Variants in NDUFS4 observed in about 807,000 individuals in gnomAD.
NDUFS4 encodes the protein NADH:ubiquinone oxidoreductase subunit S4, also known as NADH dehydrogenase [ubiquinone] iron-sulfur protein 4, mitochondrial.
NDUFS4 carries 28 observed loss-of-function variants against 24.3 expected under a neutral mutation model. The ratio of observed to expected loss-of-function variants is 1.15; its 90% confidence interval spans 0.85 to 1.58. The LOEUF (loss-of-function observed/expected upper bound fraction) is 1.58. Among genes scored for constraint, NDUFS4 ranks in the 40% most tolerant of loss-of-function variants. NDUFS4 has a pLI of 0.00. For synonymous variants in NDUFS4, 93 were observed against 69.7 expected, an observed-to-expected ratio of 1.34 and a Z score of -1.67; for missense variants, 223 against 207.9, an observed-to-expected ratio of 1.07 and a Z score of -0.45.
chr5:53,589,133 G>C (rs553704925), intron 1 of NDUFS4, among the ~76,000 whole-genome samples: 1 of 152,124 alleles, frequency 6.6e-6, no homozygotes, highest in Non-Finnish European at 1.5e-5. Flanking sequence ...CCAAAACGTA[G>C]GTTTTTAAGA....
At chr5:53,652,008 C>T (rs539739330) in intron 3 of NDUFS4, among the ~76,000 whole-genome samples, 3 of 152,140 alleles carry the variant, frequency 2.0e-5, no homozygotes, top group East Asian at 1.9e-4. Context: ...CTCTTGACCT[C>T]GTGATCCGCC....
intron 4 of NDUFS4, among the ~76,000 whole-genome samples, chr5:53,676,268 T>C (rs534850830): frequency 6.6e-6 from 1 of 152,190 alleles, no homozygotes; most frequent in Non-Finnish European, 1.5e-5. Context: ...TCAATTATAG[T>C]TGTTCTCCTT....
chr5:53,567,903 C>T (rs1281830056), intron 1 of NDUFS4, among the ~76,000 whole-genome samples: 2 of 152,086 alleles, frequency 1.3e-5, no homozygotes, highest in Non-Finnish European at 2.9e-5. Context: ...TATATGAGCT[C>T]TTGTGACTTT....
intron 4 of NDUFS4, among the ~76,000 whole-genome samples, chr5:53,664,606 C>T (rs752267942): frequency 8.5e-5 from 13 of 152,186 alleles, no homozygotes; most frequent in Non-Finnish European, 1.9e-4. Flanking sequence ...GATACCCTTT[C>T]TTCCAGTTGA....
chr5:53,562,029 A>G (rs1748865416), intron 1 of NDUFS4, among the ~76,000 whole-genome samples: 1 of 151,398 alleles, frequency 6.6e-6, no homozygotes, highest in South Asian at 2.1e-4. Flanking sequence ...TTTGAGATAC[A>G]TTCTCACTCT....
At position 53,634,881 on chromosome 5, in the gene NDUFS4, T is replaced by C. The variant is rs184153177; in HGVS notation, c.178-11352T>C. ...GGTATCCTAAGATAGGTACATGACTTGATGATTTAAAAATCTGAAAAATCT... is the reference window on the plus strand; with the variant it reads ...GGTATCCTAAGATAGGTACATGACTCGATGATTTAAAAATCTGAAAAATCT... On this transcript the variant is annotated intron_variant, in intron 2 of 4. Coordinates refer to ENST00000296684, the MANE Select transcript of NDUFS4 (RefSeq NM_002495.4). 2.6e-4 allele frequency among the ~76,000 whole-genome samples: 40 copies of C among 152,140 alleles called. No homozygotes were observed. In the East Asian group the frequency reaches 6.4e-3, roughly 24 times the overall value.
At chr5:53,600,390 A>G (rs1253890299) in intron 1 of NDUFS4, among the ~76,000 whole-genome samples, 3 of 149,682 alleles carry the variant, frequency 2.0e-5, no homozygotes, top group Admixed American at 1.3e-4. Context: ...GCTCATTGCA[A>G]CCTCTGCCTC....
intron 4 of NDUFS4, among the ~76,000 whole-genome samples, chr5:53,679,339 G>C (rs201783892): frequency 8.0e-6 from 1 of 125,594 alleles, no homozygotes; most frequent in Non-Finnish European, 1.9e-5. Context: ...CTTCTTCTCT[G>C]TGTATTTTTG....
At chr5:53,563,236 CAAAAA>C (rs906204561) in intron 1 of NDUFS4, among the ~76,000 whole-genome samples, 3 of 105,050 alleles carry the variant, frequency 2.9e-5, no homozygotes, top group Admixed American at 1.1e-4. Context: ...CTCAAAAAAA[CAAAAA>C]AAAAAAAAAA....
rs1750395703 is a variant in NDUFS4 at position 53,603,479 on chromosome 5, G to A, written c.126G>A (p.Leu42=). The A allele has an allele frequency of 6.2e-7, 1 of 1,613,742 alleles. No individual in the cohort carries two copies. Among genetic ancestry groups the A allele is most frequent in the African/African-American group, 1.3e-5 (1 of 74,948 alleles). Residue 42 remains leucine, a synonymous_variant, in exon 2 of 5, where the codon TTG becomes TTA. Coordinates refer to ENST00000296684, the MANE Select transcript of NDUFS4 (RefSeq NM_002495.4). ...TRSLRTSTWR[L]AQDQTQDTQL... ...CGTTGAGGACTTCCACATGGAGATT[G>A]GCACAGGACCAGACTCAAGACACAC...
chr5:53,582,387 C>T (rs1472508053), intron 1 of NDUFS4, among the ~76,000 whole-genome samples: 1 of 152,122 alleles, frequency 6.6e-6, no homozygotes. Context: ...GGACAGGAAC[C>T]AGCCCTGGAC....
chr5:53,667,872 G>A (rs1245162105), intron 4 of NDUFS4, among the ~76,000 whole-genome samples: 3 of 152,174 alleles, frequency 2.0e-5, no homozygotes, highest in African/African-American at 7.2e-5. Flanking sequence ...TGGATTGGGT[G>A]ATGTCCAAAA....
At chr5:53,580,781 C>G (rs938793864) in intron 1 of NDUFS4, among the ~76,000 whole-genome samples, 2 of 140,918 alleles carry the variant, frequency 1.4e-5, no homozygotes, top group African/African-American at 5.4e-5. Flanking sequence ...TTCTCTCTCT[C>G]TTTCTTTCTC....
At chr5:53,610,595 G>A (rs1750663891) in intron 2 of NDUFS4, among the ~76,000 whole-genome samples, 1 of 152,046 alleles carries the variant, frequency 6.6e-6, no homozygotes, top group Non-Finnish European at 1.5e-5. Context: ...GTAAAGCAAA[G>A]TTCATAAAAT....
At chr5:53,658,726 G>A in intron 4 of NDUFS4, 102 bp downstream of exon 4, 1 of 827,964 alleles carries the variant, frequency 1.2e-6, no homozygotes, top group South Asian at 1.4e-5. Flanking sequence ...GAATCCAGTG[G>A]TTTCATTGTA....
chr5:53,591,656 C>T (rs372255578), intron 1 of NDUFS4, among the ~76,000 whole-genome samples: 1 of 152,174 alleles, frequency 6.6e-6, no homozygotes, highest in Non-Finnish European at 1.5e-5. Flanking sequence ...AACTGCCAGA[C>T]TGTCTTCCAA....
intron 2 of NDUFS4, among the ~76,000 whole-genome samples, chr5:53,606,951 T>A (rs1579865298): frequency 6.6e-6 from 1 of 152,274 alleles, no homozygotes; most frequent in Non-Finnish European, 1.5e-5. Context: ...GTAACTGTTA[T>A]ATTGTACTGT....
chr5:53,587,024 A>G (rs549406452), intron 1 of NDUFS4, among the ~76,000 whole-genome samples: 4 of 151,948 alleles, frequency 2.6e-5, no homozygotes, highest in East Asian at 3.9e-4. Context: ...GGGTTTCACC[A>G]TGTTGGCCAG....
In NDUFS4 at chr5:53,683,206, A is replaced by C; in HGVS notation, c.513A>C (p.Arg171Ser). Residue 171 changes from arginine to serine, a missense_variant, in exon 5 of 5, where the codon AGA (arginine) becomes AGC (serine). Coordinates refer to ENST00000296684, the MANE Select transcript of NDUFS4 (RefSeq NM_002495.4). The part of the protein sequence containing the change: ...GANFSWNKRT[R>S]VSTK ...ACTTTTCTTGGAACAAAAGAACAAG[A>C]GTATCCACAAAATAGGTTGGCACTG... The C allele has an allele frequency of 2.5e-6, 4 of 1,608,640 alleles. No homozygotes were observed. Among genetic ancestry groups the C allele is most frequent in the Non-Finnish European group, 3.4e-6 (4 of 1,175,400 alleles).
Sources: allele counts gnomAD v4.1 joint callset (sites outside exome capture counted in the v4.1 genomes callset), GRCh38; gene constraint gnomAD v4.1.1; transcripts MANE v1.5; gene names NCBI Gene and HGNC (gene_info 2026-07-23, HGNC 2026-07-21).